PLXNA2: variants seen among roughly 807,000 people sequenced by gnomAD.
The protein encoded by PLXNA2 is plexin A2, also known as plexin-A2.
PLXNA2 carries 91 observed loss-of-function variants against 193.5 expected under a neutral mutation model. That is an observed-to-expected ratio of 0.47 (90% CI 0.40 to 0.56). PLXNA2 has a LOEUF of 0.56. Among genes scored for constraint, PLXNA2 ranks in the 20% least tolerant of loss-of-function variants. The pLI is 0.00. For missense variants in PLXNA2, 1,995 were observed against 2,503.2 expected, an observed-to-expected ratio of 0.80 and a Z score of 4.33; for synonymous variants, 997 against 1,027.3, an observed-to-expected ratio of 0.97 and a Z score of 0.56.
intron 9 of PLXNA2, among the ~76,000 whole-genome samples, chr1:208,091,812 G>A (rs1435822403): frequency 6.6e-6 from 1 of 150,446 alleles, no homozygotes; most frequent in African/African-American, 2.4e-5. Flanking sequence ...AGAGGTTGCA[G>A]TGAGCGGAGA....
rs370843429 is a variant in PLXNA2 at position 208,039,646 on chromosome 1, C to T, written c.4475G>A (p.Arg1492Gln). The change falls in exon 24 of 32, where the codon CGG (arginine) becomes CAG (glutamine). Residue 1492 changes from arginine (R) to glutamine (Q), a missense_variant. By Grantham distance (43) the Arg-to-Gln change is conservative. This residue lies in a region of PLXNA2 where 1,291 missense variants were observed against 1,673.6 expected (regional missense o/e 0.77). Coordinates refer to ENST00000367033, the MANE Select transcript of PLXNA2 (RefSeq NM_025179.4). The stretch of plus-strand genomic sequence containing the variant: ...CAGGGTCTTGTACTCGATCTGCTGC[C>T]GGATGAGCTTGTCCTCGCTCAGGGA... ...RYSLSEDKLI[R>Q]QQIEYKTLIL... The T allele has an allele frequency of 1.3e-5, 21 of 1,614,020 alleles. No individual in the cohort carries two copies. The highest frequency in any genetic ancestry group is 1.6e-5 in the Non-Finnish European group (19 of 1,180,050).
At chr1:208,186,629 G>C (rs1670006480) in intron 3 of PLXNA2, among the ~76,000 whole-genome samples, 1 of 152,176 alleles carries the variant, frequency 6.6e-6, no homozygotes, top group African/African-American at 2.4e-5. Context: ...GAGAAAATGG[G>C]ATAGGGGGAG....
chr1:208,225,258 C>T (rs1054735561), intron 1 of PLXNA2, among the ~76,000 whole-genome samples: 1 of 152,164 alleles, frequency 6.6e-6, no homozygotes, highest in African/African-American at 2.4e-5. Flanking sequence ...CCCTAAGTAC[C>T]TCAGAATGTG....
At chr1:208,035,969 T>G (rs1241293477) in intron 26 of PLXNA2, among the ~76,000 whole-genome samples, 2 of 152,236 alleles carry the variant, frequency 1.3e-5, no homozygotes, top group Non-Finnish European at 2.9e-5. Flanking sequence ...TATGCAGATT[T>G]TCTTCTGCAA....
intron 4 of PLXNA2, among the ~76,000 whole-genome samples, chr1:208,114,496 G>A (rs1240212873): frequency 6.6e-6 from 1 of 152,252 alleles, no homozygotes; most frequent in Non-Finnish European, 1.5e-5. Context: ...ATTATCCATA[G>A]GTGCCGGATC....
At position 208,082,830 on chromosome 1, in the gene PLXNA2, C is replaced by G. The variant is rs2102387715; in HGVS notation, c.2299-322G>C. ...ATCTCATAAGGAATGCAACCGTCTC[C>G]CTACAACCTCCATCCTTTTAACCCA... On this transcript the variant is annotated intron_variant, in intron 10 of 31. Transcript: ENST00000367033. The surrounding 1 kb of genome is among the most constrained non-coding windows in gnomAD (Gnocchi z 4.2). 6.6e-6 allele frequency among the ~76,000 whole-genome samples: 1 copy of G among 152,240 alleles called. No homozygotes were observed. The highest frequency in any genetic ancestry group is 1.5e-5 in the Non-Finnish European group (1 of 68,012).
At chr1:208,226,281 C>T (rs1467374683) in intron 1 of PLXNA2, among the ~76,000 whole-genome samples, 1 of 152,242 alleles carries the variant, frequency 6.6e-6, no homozygotes, top group Middle Eastern at 3.4e-3. Context: ...ACTCCCACCC[C>T]GGCTCCTCCT....
rs1200891244 is a variant in PLXNA2, at chr1:208,026,629, A to G, written c.*614T>C. 6.8e-6 allele frequency: 1 copy of G among 146,352 alleles called. No homozygotes were observed. The highest frequency in any genetic ancestry group is 1.5e-5 in the Non-Finnish European group (1 of 67,130). The allele number at this position is 146,352 out of a possible 1,614,324, so 9.1% of individuals were successfully genotyped here. ...AAGTGTTTGGTGCATACTTGTGCTC[A>G]TCATTCTTCTTCTCCTCTTTCTCTT... On this transcript the variant is annotated 3_prime_UTR_variant, in exon 32 of 32. Coordinates refer to ENST00000367033, the MANE Select transcript of PLXNA2 (RefSeq NM_025179.4).
Position 208,194,308 on chromosome 1 carries a change from G to A in PLXNA2, c.1371+15972C>T, listed in dbSNP as rs148506082. ...CTGGGGGAAAGGGCCGAATGAAAAT[G>A]AACAATCACTACCTAGAGTCACCGG... On this transcript the variant is annotated intron_variant, in intron 3 of 31. Coordinates refer to ENST00000367033, the MANE Select transcript of PLXNA2 (RefSeq NM_025179.4). 3.4e-3 allele frequency among the ~76,000 whole-genome samples: 521 copies of A among 152,066 alleles called. 2 individuals are homozygous for A. The highest frequency in any genetic ancestry group is 0.012 in the African/African-American group (504 of 41,468).
At chr1:208,208,641 T>A (rs1670817901) in intron 3 of PLXNA2, among the ~76,000 whole-genome samples, 1 of 152,184 alleles carries the variant, frequency 6.6e-6, no homozygotes, top group South Asian at 2.1e-4. Flanking sequence ...CCTGGAGCAG[T>A]GACTGAAGGT....
Position 208,028,052 on chromosome 1 carries a change from G to T in PLXNA2, c.5546C>A (p.Ala1849Asp), listed in dbSNP as rs1558152466. ...LHAVEFNMLS[A>D]LNEIYSYVSK... is the part of the protein sequence containing the mutation. ...GACATAGGAGTAGATCTCATTGAGG[G>T]CACTCAGCATGTTGAACTCCACGGC... is the stretch of plus-strand genomic sequence containing the variant. Residue 1849 changes from alanine (A) to aspartate (D), a missense_variant, in exon 31 of 32, where the codon GCC (alanine) becomes GAC (aspartate). By Grantham distance (126) the Ala-to-Asp change is moderately radical (BLOSUM62 -2). Around this residue, in one of 3 missense-constraint regions of PLXNA2, gnomAD observed 1,291 missense variants for 1,673.6 expected, o/e 0.77. Coordinates refer to ENST00000367033, the MANE Select transcript of PLXNA2 (RefSeq NM_025179.4). The surrounding 1 kb of genome is among the most constrained non-coding windows in gnomAD (Gnocchi z 4.2). 1.2e-6 allele frequency: 2 copies of T among 1,612,844 alleles called. No individual in the cohort carries two copies. The highest frequency in any genetic ancestry group is 1.6e-4 in the Middle Eastern group (1 of 6,062).
intron 1 of PLXNA2, among the ~76,000 whole-genome samples, chr1:208,225,984 A>C (rs1671497913): frequency 6.6e-6 from 1 of 152,228 alleles, no homozygotes; most frequent in Non-Finnish European, 1.5e-5. Flanking sequence ...AAAGGCACTC[A>C]AACTTCATGG....
chr1:208,037,455 C>T (rs1359957801), intron 26 of PLXNA2, among the ~76,000 whole-genome samples: 3 of 152,200 alleles, frequency 2.0e-5, no homozygotes, highest in Non-Finnish European at 4.4e-5. Context: ...GCCTGCCAGC[C>T]CCTCTACAGA....
At chr1:208,052,236 G>C in intron 15 of PLXNA2, 91 bp downstream of exon 15, 1 of 1,313,424 alleles carries the variant, frequency 7.6e-7, no homozygotes, top group Non-Finnish European at 1.1e-6. Flanking sequence ...GAGGTGATGG[G>C]GCAGGCCTAT....
chr1:208,239,573 G>A (rs113336921), intron 1 of PLXNA2, among the ~76,000 whole-genome samples: 80 of 152,214 alleles, frequency 5.3e-4, no homozygotes, highest in African/African-American at 1.6e-3. Flanking sequence ...TCAGGCCTTG[G>A]ACCACATGGA....
At chr1:208,039,070 T>G in intron 24 of PLXNA2, 86 bp from the exon 25 acceptor site, 1 of 1,285,434 alleles carries the variant, frequency 7.8e-7, no homozygotes, top group Admixed American at 2.2e-5. Context: ...ATCTTCTTTT[T>G]CCAAAGTTCA....
At chr1:208,078,048 T>A (rs1396121384) in intron 12 of PLXNA2, among the ~76,000 whole-genome samples, 1 of 152,224 alleles carries the variant, frequency 6.6e-6, no homozygotes, top group Non-Finnish European at 1.5e-5. Context: ...GTAAAGAATT[T>A]AAAAATGGTT....
intron 3 of PLXNA2, among the ~76,000 whole-genome samples, chr1:208,156,299 G>A (rs776050682): frequency 2.0e-5 from 3 of 152,150 alleles, no homozygotes; most frequent in Admixed American, 1.3e-4. Context: ...CCCTGGAGTG[G>A]ATCGGAAGAC....
intron 3 of PLXNA2, among the ~76,000 whole-genome samples, chr1:208,164,193 GGA>G (rs1558224107): frequency 2.0e-5 from 3 of 152,162 alleles, no homozygotes; most frequent in Non-Finnish European, 4.4e-5. Context: ...AGGCTACAGG[GGA>G]AGACTTCTGT....
Sources: gnomAD v4.1 joint callset for allele counts (sites outside exome capture counted in the v4.1 genomes callset) on GRCh38, gnomAD v4.1.1 for gene constraint, gnomAD v4.1.1 regional missense constraint, Gnocchi (gnomAD v3.1) non-coding constraint, MANE v1.5 for transcripts, NCBI Gene and HGNC (gene_info 2026-07-23, HGNC 2026-07-21) for gene names.